Variants in RANBP17 observed in about 807,000 individuals in gnomAD.
RANBP17 encodes RAN binding protein 17, also known as ran-binding protein 17.
Under a neutral mutation model 141.2 loss-of-function variants are expected in RANBP17, and 158 were observed. The observed-to-expected ratio is 1.12, with a 90% confidence interval of 0.98 to 1.28. The LOEUF (loss-of-function observed/expected upper bound fraction) is 1.28. Among genes scored for constraint, RANBP17 ranks in the 50% most tolerant of loss-of-function variants. RANBP17 has a pLI of 0.00. For synonymous variants in RANBP17, 430 were observed against 450.0 expected (o/e 0.96, Z 0.56); for missense variants, 1,438 against 1,290.7 (o/e 1.11, Z -1.75).
chr5:171,017,617 T>C (rs1780540312), intron 14 of RANBP17, among the ~76,000 whole-genome samples: 1 of 152,240 alleles, frequency 6.6e-6, no homozygotes, highest in African/African-American at 2.4e-5. Flanking sequence ...TGTTTTCTTG[T>C]AAATTTGTTT....
intron 14 of RANBP17, among the ~76,000 whole-genome samples, chr5:171,054,995 TG>T (rs1285715402): frequency 6.6e-6 from 1 of 152,200 alleles, no homozygotes; most frequent in African/African-American, 2.4e-5. Flanking sequence ...AGGTGGTATC[TG>T]GAAGACTAAT....
At position 171,242,897 on chromosome 5, in the gene RANBP17, A is replaced by G. The variant is rs529161181; in HGVS notation, c.2776+77A>G. Reference sequence around the variant, plus strand: ...TTTAATGTATGTGATTATTGAGACTATCATCCTACAAAGGGGGAAAAGATA... The same window carrying G: ...TTTAATGTATGTGATTATTGAGACTGTCATCCTACAAAGGGGGAAAAGATA... On this transcript the variant is annotated intron_variant, in intron 24 of 27. Transcript: ENST00000523189. 1.8e-5 allele frequency: 24 copies of G among 1,327,472 alleles called. No homozygotes were observed. In the East Asian group the frequency reaches 4.2e-4, roughly 23 times the overall value. 82.2% of individuals were successfully genotyped at this position (1,327,472 alleles called of 1,614,324 possible).
intron 14 of RANBP17, among the ~76,000 whole-genome samples, chr5:171,131,531 TA>T (rs1404012694): frequency 6.6e-6 from 1 of 152,234 alleles, no homozygotes; most frequent in Non-Finnish European, 1.5e-5. Flanking sequence ...ATCCATTTAT[TA>T]GGCAAGGATT....
intron 14 of RANBP17, among the ~76,000 whole-genome samples, chr5:171,058,076 A>T (rs1409220542): frequency 6.6e-6 from 1 of 152,088 alleles, no homozygotes; most frequent in Non-Finnish European, 1.5e-5. Context: ...ATTCTCCTTC[A>T]TAGGGATTAT....
intron 11 of RANBP17, among the ~76,000 whole-genome samples, chr5:170,923,215 T>C (rs923345499): frequency 6.6e-6 from 1 of 152,188 alleles, no homozygotes; most frequent in Non-Finnish European, 1.5e-5. Context: ...TTCTTCTTTT[T>C]GGCATATAGA....
chr5:171,001,791 A>T (rs991086132), intron 14 of RANBP17, among the ~76,000 whole-genome samples: 1 of 152,114 alleles, frequency 6.6e-6, no homozygotes, highest in Non-Finnish European at 1.5e-5. Context: ...CCAGTCCGTT[A>T]TTGGACTGTA....
intron 14 of RANBP17, among the ~76,000 whole-genome samples, chr5:171,084,126 C>T (rs1359770511): frequency 7.5e-6 from 1 of 133,696 alleles, no homozygotes; most frequent in African/African-American, 2.8e-5. Flanking sequence ...CCGACCCCAC[C>T]ACAGTCCCCA....
chr5:170,879,513 G>C (rs4867636), intron 2 of RANBP17, among the ~76,000 whole-genome samples: 102,515 of 151,998 alleles, frequency 0.67, 34,810 homozygotes, highest in South Asian at 0.9. Flanking sequence ...AAAGCTGCCT[G>C]ACATTACTTG....
intron 22 of RANBP17, among the ~76,000 whole-genome samples, chr5:171,238,329 G>A (rs1405958525): frequency 6.6e-6 from 1 of 152,094 alleles, no homozygotes; most frequent in Admixed American, 6.6e-5. Flanking sequence ...AGTCCAAAAG[G>A]CAGGACATAT....
intron 14 of RANBP17, among the ~76,000 whole-genome samples, chr5:171,088,395 A>AT (rs1785877235): frequency 1.3e-5 from 2 of 151,628 alleles, no homozygotes; most frequent in Non-Finnish European, 2.9e-5. Context: ...TGCCCTTAAC[A>AT]TTTTTTTCTG....
chr5:170,895,891 A>G (rs936605514), intron 4 of RANBP17, among the ~76,000 whole-genome samples, 159 bp from the exon 5 acceptor site: 5 of 152,188 alleles, frequency 3.3e-5, no homozygotes, highest in African/African-American at 1.2e-4. Context: ...TATAGAACTC[A>G]TAGCGATTTT....
chr5:171,162,898 T>C (rs1759448810), intron 14 of RANBP17, among the ~76,000 whole-genome samples: 1 of 152,156 alleles, frequency 6.6e-6, no homozygotes, highest in East Asian at 1.9e-4. Context: ...AGTTTTCTTA[T>C]ACAATAGCTT....
Position 171,265,717 on chromosome 5 carries a change from ACTACATCGTCACC to A in RANBP17, c.2814_2826del (p.Tyr939ThrfsTer6). On this transcript the variant is annotated frameshift_variant, in exon 25 of 28. Transcript: ENST00000523189. LOFTEE classifies it high-confidence loss of function. ...TCCTCCAGCTGCTGTACCAGTTTAGACTACATCGTCACCTACCTCTTCAAGCACATAGCAAAAG... is the reference window on the plus strand; with the variant it reads ...TCCTCCAGCTGCTGTACCAGTTTAGATACCTCTTCAAGCACATAGCAAAAG... 6.2e-7 allele frequency: 1 copy of A among 1,614,074 alleles called. No individual in the cohort carries two copies. The highest frequency in any genetic ancestry group is 8.5e-7 in the Non-Finnish European group (1 of 1,179,996).
Position 170,892,507 on chromosome 5 carries a change from A to G in RANBP17, c.377A>G (p.Gln126Arg). The G allele has an allele frequency of 6.2e-7, 1 of 1,614,014 alleles. No homozygotes were observed. The highest frequency in any genetic ancestry group is 8.5e-7 in the Non-Finnish European group (1 of 1,179,968). Residue 126 changes from glutamine (Q) to arginine (R), a missense_variant, in exon 4 of 28, where the codon CAA (glutamine) becomes CGA (arginine). Transcript: ENST00000523189. ...KLGWFEVQKD[Q>R]FVFREIIADV... ...GGGTGGTTTGAGGTTCAGAAAGACC[A>G]ATTTGTCTTCAGAGAAATTATTGCT...
chr5:170,880,016 C>T (rs897093466), intron 2 of RANBP17, among the ~76,000 whole-genome samples: 2 of 152,168 alleles, frequency 1.3e-5, no homozygotes, highest in Non-Finnish European at 2.9e-5. Flanking sequence ...ACATTTTTCA[C>T]AAGCTTTGTA....
intron 22 of RANBP17, among the ~76,000 whole-genome samples, chr5:171,228,018 G>A (rs1763982587): frequency 6.6e-6 from 1 of 152,190 alleles, no homozygotes; most frequent in Admixed American, 6.5e-5. Flanking sequence ...TGTACAAGGA[G>A]ATTAATGTTG....
chr5:171,200,110 A>G (rs1226978267), intron 19 of RANBP17, among the ~76,000 whole-genome samples: 2 of 152,192 alleles, frequency 1.3e-5, no homozygotes, highest in African/African-American at 4.8e-5. Context: ...ATGTTACAAC[A>G]GATCTATATG....
intron 13 of RANBP17, among the ~76,000 whole-genome samples, chr5:170,957,115 A>G (rs1775784289): frequency 6.8e-6 from 1 of 146,026 alleles, no homozygotes; most frequent in South Asian, 2.4e-4. Flanking sequence ...ACACGCGCAC[A>G]CTGCCACTAT....
chr5:170,893,647 G>T (rs369781258), intron 4 of RANBP17, among the ~76,000 whole-genome samples: 105 of 151,998 alleles, frequency 6.9e-4, no homozygotes, highest in African/African-American at 2.4e-3. Flanking sequence ...CAAAAAATTA[G>T]CTGGGCGTGG....
Sources: gnomAD v4.1 joint callset for allele counts (sites outside exome capture counted in the v4.1 genomes callset) on GRCh38, gnomAD v4.1.1 for gene constraint, MANE v1.5 for transcripts, NCBI Gene and HGNC (gene_info 2026-07-23, HGNC 2026-07-21) for gene names.